KPNA1: variants seen among roughly 807,000 people sequenced by gnomAD.
KPNA1 encodes the protein karyopherin subunit alpha 1.
In KPNA1, 10 loss-of-function variants were observed where a neutral mutation model predicts 70.5. The observed-to-expected ratio is 0.14, with a 90% confidence interval of 0.09 to 0.24. KPNA1 has a LOEUF of 0.24. KPNA1 is among the 10% of genes least tolerant of loss of function. KPNA1 has a pLI of 1.00. For synonymous variants in KPNA1, 192 were observed against 221.9 expected, an observed-to-expected ratio of 0.87 and a Z score of 1.20; for missense variants, 397 against 637.9, an observed-to-expected ratio of 0.62 and a Z score of 4.07.
intron 2 of KPNA1, among the ~76,000 whole-genome samples, chr3:122,470,525 C>A (rs1232026315): frequency 6.7e-6 from 1 of 150,040 alleles, no homozygotes; most frequent in Non-Finnish European, 1.5e-5. Context: ...AATAAATAAA[C>A]AAATAAATAA....
At chr3:122,443,776 T>A (rs1215579380) in intron 9 of KPNA1, among the ~76,000 whole-genome samples, 1 of 152,122 alleles carries the variant, frequency 6.6e-6, no homozygotes, top group East Asian at 1.9e-4. Context: ...AGAGATCACA[T>A]GCTTCAAAAG....
At chr3:122,473,911 A>G (rs951559091) in intron 2 of KPNA1, among the ~76,000 whole-genome samples, 11 of 152,160 alleles carry the variant, frequency 7.2e-5, no homozygotes, top group African/African-American at 2.7e-4. Context: ...AAGAAATAAA[A>G]CCATCTTTTT....
intron 9 of KPNA1, among the ~76,000 whole-genome samples, chr3:122,445,239 C>A (rs916945417): frequency 6.6e-6 from 1 of 152,106 alleles, no homozygotes; most frequent in Non-Finnish European, 1.5e-5. Flanking sequence ...AACCATGGCA[C>A]AAGAACTTCG....
chr3:122,445,728 A>G (rs370032440), intron 9 of KPNA1, among the ~76,000 whole-genome samples: 7 of 152,346 alleles, frequency 4.6e-5, no homozygotes, highest in East Asian at 3.9e-4. Flanking sequence ...AGACTGGCAA[A>G]TTGGATAAAG....
chr3:122,495,585 T>A (rs1175544964), intron 2 of KPNA1, among the ~76,000 whole-genome samples: 4 of 152,140 alleles, frequency 2.6e-5, no homozygotes, highest in African/African-American at 9.7e-5. Context: ...AAATGTGTTT[T>A]GAGAATATTT....
intron 9 of KPNA1, among the ~76,000 whole-genome samples, chr3:122,444,534 A>T (rs368319407): frequency 6.6e-6 from 1 of 152,226 alleles, no homozygotes; most frequent in East Asian, 1.9e-4. Flanking sequence ...TGTCCATGAA[A>T]TCTTTACAAT....
chr3:122,442,591 T>G (rs2076078930), intron 9 of KPNA1: 1 of 154,402 alleles, frequency 6.5e-6, no homozygotes, highest in African/African-American at 2.4e-5. Context: ...ACAAAGGTCT[T>G]TCAACTAAAC....
chr3:122,429,096 C>T (rs779838295), intron 12 of KPNA1, among the ~76,000 whole-genome samples: 2 of 152,098 alleles, frequency 1.3e-5, no homozygotes, highest in East Asian at 1.9e-4. Context: ...AATCAACTTA[C>T]GATCATTTCA....
chr3:122,428,026 TG>T (rs1185606046), intron 12 of KPNA1, among the ~76,000 whole-genome samples: 1 of 152,218 alleles, frequency 6.6e-6, no homozygotes, highest in African/African-American at 2.4e-5. Context: ...AGTATAGGTT[TG>T]AGTAATTTCA....
At chr3:122,459,050 G>A (rs73190122) in intron 5 of KPNA1, among the ~76,000 whole-genome samples, 34,086 of 152,108 alleles carry the variant, frequency 0.22, 4,236 homozygotes, top group Non-Finnish European at 0.27. Flanking sequence ...TTGCACAAGG[G>A]TGGAATCTGG....
At position 122,452,865 on chromosome 3, in the gene KPNA1, G is replaced by A. The variant is rs1392105095; in HGVS notation, c.565-801C>T. ...AAAGAAAAAAAGAGACAGAAAGAGA[G>A]TATTTTCTTGCTTACATAAGAAAAC... On this transcript the variant is annotated intron_variant, in intron 6 of 13. Transcript: ENST00000344337. Among the ~76,000 whole-genome samples the A allele has an allele frequency of 2.6e-5, 4 of 152,070 alleles. No individual in the cohort carries two copies. In the South Asian group the frequency reaches 6.2e-4, roughly 24 times the overall value.
chr3:122,500,169 T>A (rs1409413777), intron 1 of KPNA1, among the ~76,000 whole-genome samples: 1 of 152,194 alleles, frequency 6.6e-6, no homozygotes, highest in Non-Finnish European at 1.5e-5. Context: ...TTGCCCAGGC[T>A]GGAGTGCAGT....
intron 1 of KPNA1, among the ~76,000 whole-genome samples, chr3:122,504,216 C>T (rs1292009307): frequency 6.6e-6 from 1 of 152,166 alleles, no homozygotes; most frequent in East Asian, 1.9e-4. Context: ...TTATTTCTCA[C>T]AGTTCTAGAG....
chr3:122,506,975 T>C (rs918369064), intron 1 of KPNA1, among the ~76,000 whole-genome samples: 4 of 152,212 alleles, frequency 2.6e-5, no homozygotes, highest in African/African-American at 9.6e-5. Flanking sequence ...GTGTGATTAT[T>C]CTAGTGAAAA....
At chr3:122,435,094 T>C (rs2107720314) in intron 11 of KPNA1, among the ~76,000 whole-genome samples, 2 of 152,348 alleles carry the variant, frequency 1.3e-5, no homozygotes, top group East Asian at 3.9e-4. Context: ...TTTAATTCCA[T>C]GAGCCGTTTC....
At chr3:122,478,160 CAA>C (rs566764177) in intron 2 of KPNA1, among the ~76,000 whole-genome samples, 9 of 75,534 alleles carry the variant, frequency 1.2e-4, no homozygotes, top group Admixed American at 1.5e-4. Flanking sequence ...GATGCTGTCT[CAA>C]AAAAAAAAAA....
At chr3:122,484,930 C>T (rs2076612324) in intron 2 of KPNA1, among the ~76,000 whole-genome samples, 1 of 152,146 alleles carries the variant, frequency 6.6e-6, no homozygotes, top group African/African-American at 2.4e-5. Context: ...TGAGATCTCG[C>T]TTTGACGCCC....
rs1022520187 is a variant in KPNA1, at chr3:122,457,954, CAG to C, written c.432+3268_432+3269del. On this transcript the variant is annotated intron_variant, in intron 5 of 13. Coordinates refer to ENST00000344337, the MANE Select transcript of KPNA1 (RefSeq NM_002264.4). Reference sequence around the variant, plus strand: ...CATCTGAGCAACTTTCCAGGAAAGGCAGAGAGATCAATGAAGATGGGAAAAGA... The same window carrying C: ...CATCTGAGCAACTTTCCAGGAAAGGCAGAGATCAATGAAGATGGGAAAAGA... 5.0e-5 allele frequency: 49 copies of C among 980,692 alleles called. No homozygotes were observed. The African/African-American group carries it at 7.7e-4, about 15-fold the overall frequency. 60.7% of individuals were successfully genotyped at this position (980,692 alleles called of 1,614,324 possible).
At chr3:122,490,893 T>G (rs2076690958) in intron 2 of KPNA1, among the ~76,000 whole-genome samples, 1 of 152,168 alleles carries the variant, frequency 6.6e-6, no homozygotes, top group Non-Finnish European at 1.5e-5. Context: ...GTTTCTAATA[T>G]TAATATAAAT....
Sources: gnomAD v4.1 joint callset for allele counts (sites outside exome capture counted in the v4.1 genomes callset) on GRCh38, gnomAD v4.1.1 for gene constraint, MANE v1.5 for transcripts, NCBI Gene and HGNC (gene_info 2026-07-23, HGNC 2026-07-21) for gene names.